The following EDC4 variants were observed in gnomAD, a reference collection of about 807,000 sequenced individuals.
The protein encoded by EDC4 is enhancer of mRNA-decapping protein 4.
EDC4 carries 64 observed loss-of-function variants against 155.8 expected under a neutral mutation model. The ratio of observed to expected loss-of-function variants is 0.41; its 90% confidence interval spans 0.34 to 0.51. The LOEUF is 0.51. Ranked by LOEUF, EDC4 falls within the 20% of genes least tolerant of loss-of-function variation. EDC4 has a pLI of 0.19. For missense variants in EDC4, 1,303 were observed against 1,812.5 expected (o/e 0.72, Z 5.10); for synonymous variants, 684 against 716.8 (o/e 0.95, Z 0.73).
rs1389458097 is a variant in EDC4, at chr16:67,883,653, C to T, written c.3935C>T (p.Pro1312Leu). Reference sequence around the variant, plus strand: ...CAGGTTTTTGGGCAGCCACCCTGCCCGCTCTCCCAGCCTGTGCTCCTTTCC... The same window carrying T: ...CAGGTTTTTGGGCAGCCACCCTGCCTGCTCTCCCAGCCTGTGCTCCTTTCC... The part of the protein sequence containing the change: ...PAQVFGQPPC[P>L]LSQPVLLSLI... The change falls in exon 28 of 29, where the codon CCG becomes CTG. Residue 1312 changes from proline to leucine, a missense_variant. Physicochemically the swap from Pro to Leu is moderately conservative, Grantham distance 98. Transcript: ENST00000358933. This position sits in a 1 kb window ranked among gnomAD's most constrained non-coding sequence, Gnocchi z 5.3. 7 of 1,614,210 alleles carry T rather than the reference C, an allele frequency of 4.3e-6. No homozygotes were observed. The highest frequency in any genetic ancestry group is 2.2e-5 in the South Asian group (2 of 91,088).
In EDC4 at chr16:67,876,785, C is replaced by A; in HGVS notation, c.352-88C>A. ...AGGTAACAGTGGGTAGCTGGACTTG[C>A]ATCTGTGTCCTCTCCCATCCCCAGG... On this transcript the variant is annotated intron_variant, in intron 3 of 28. Coordinates refer to ENST00000358933, the MANE Select transcript of EDC4 (RefSeq NM_014329.5). The surrounding 1 kb of genome is among the most constrained non-coding windows in gnomAD (Gnocchi z 5.8). The A allele has an allele frequency of 1.3e-6, 2 of 1,574,452 alleles. No homozygotes were observed. Among genetic ancestry groups the A allele is most frequent in the Non-Finnish European group, 1.7e-6 (2 of 1,159,778 alleles).
chr16:67,883,339 T>C lies in EDC4; in HGVS notation c.3849+162T>C, dbSNP rs1266268298. 3.7e-6 allele frequency: 5 copies of C among 1,335,150 alleles called. No individual in the cohort carries two copies. 82.7% of individuals were successfully genotyped at this position (1,335,150 alleles called of 1,614,324 possible). On this transcript the variant is annotated intron_variant, in intron 27 of 28. Coordinates refer to ENST00000358933, the MANE Select transcript of EDC4 (RefSeq NM_014329.5). This position sits in a 1 kb window ranked among gnomAD's most constrained non-coding sequence, Gnocchi z 5.3. Reference sequence around the variant, plus strand: ...CATTGTCCCTGCTGCTTCCTCTTCCTGGACCCCTTTCTTCCCACCTAGCCC... The same window carrying C: ...CATTGTCCCTGCTGCTTCCTCTTCCCGGACCCCTTTCTTCCCACCTAGCCC...
Position 67,873,244 on chromosome 16 carries a change from G to A in EDC4, c.-18G>A. On this transcript the variant is annotated 5_prime_UTR_variant, in exon 1 of 29. Coordinates refer to ENST00000358933, the MANE Select transcript of EDC4 (RefSeq NM_014329.5). ...GCGGAACGAACGCGGTGCGGGCGGG[G>A]CGCCCGCCGCAGGGCCCATGGCCTC... 2 of 1,387,104 alleles carry A rather than the reference G, an allele frequency of 1.4e-6. No homozygotes were observed. The highest frequency in any genetic ancestry group is 1.9e-6 in the Non-Finnish European group (2 of 1,076,810). 85.9% of individuals were successfully genotyped at this position (1,387,104 alleles called of 1,614,324 possible).
chr16:67,879,464 G>T lies in EDC4; in HGVS notation c.1594G>T (p.Val532Leu), dbSNP rs769701208. 1.2e-6 allele frequency: 2 copies of T among 1,614,174 alleles called. No homozygotes were observed. The highest frequency in any genetic ancestry group is 8.5e-7 in the Non-Finnish European group (1 of 1,180,026). ...CCAGCCACAGCTGAACCCTGATGTG[G>T]TGGCCCCACTGCCCACCCACACTGC... is the stretch of plus-strand genomic sequence containing the variant. ...RFQPQLNPDV[V>L]APLPTHTAHE... The change falls in exon 14 of 29, where the codon GTG becomes TTG. Residue 532 changes from valine to leucine, a missense_variant. Physicochemically the swap from Val to Leu is conservative, Grantham distance 32. This residue lies in a region of EDC4 where 391 missense variants were observed against 445.4 expected (regional missense o/e 0.88). Transcript: ENST00000358933. The surrounding 1 kb of genome is among the most constrained non-coding windows in gnomAD (Gnocchi z 6.0).
Position 67,877,192 on chromosome 16 carries a change from T to C in EDC4, c.452-25T>C. 3 of 1,599,132 alleles carry C rather than the reference T, an allele frequency of 1.9e-6. No individual in the cohort carries two copies. The highest frequency in any genetic ancestry group is 2.6e-6 in the Non-Finnish European group (3 of 1,170,944). The stretch of plus-strand genomic sequence containing the variant: ...CTGCCTGAGCCTGGATACGTATTCA[T>C]GGTCCACTGCTCTCCTGATTCCAGC... On this transcript the variant is annotated intron_variant, in intron 4 of 28. Transcript: ENST00000358933. This position sits in a 1 kb window ranked among gnomAD's most constrained non-coding sequence, Gnocchi z 4.9.
chr16:67,882,712 G>T lies in EDC4; in HGVS notation c.3476G>T (p.Arg1159Leu). 1 of 1,614,244 alleles carries T rather than the reference G, an allele frequency of 6.2e-7. No homozygotes were observed. Among genetic ancestry groups the T allele is most frequent in the Non-Finnish European group, 8.5e-7 (1 of 1,180,040 alleles). Residue 1159 changes from arginine to leucine, a missense_variant, in exon 26 of 29, where the codon CGG becomes CTG. By Grantham distance (102) the Arg-to-Leu change is moderately radical (BLOSUM62 -2). This residue lies in a region of EDC4 where 527 missense variants were observed against 757.0 expected (regional missense o/e 0.70). Coordinates refer to ENST00000358933, the MANE Select transcript of EDC4 (RefSeq NM_014329.5). This position sits in a 1 kb window ranked among gnomAD's most constrained non-coding sequence, Gnocchi z 7.2. ...LQQLESHMKS[R>L]KAREQEAREP... ...CAGCTAGAAAGCCACATGAAGAGCC[G>T]GAAGGCACGGGAACAGGAGGCCAGG...
Position 67,883,909 on chromosome 16 carries a change from G to T in EDC4, c.4014-47G>T, listed in dbSNP as rs373428578. On this transcript the variant is annotated intron_variant, in intron 28 of 28. Coordinates refer to ENST00000358933, the MANE Select transcript of EDC4 (RefSeq NM_014329.5). This position sits in a 1 kb window ranked among gnomAD's most constrained non-coding sequence, Gnocchi z 5.3. ...CTCGGTGCCACCAGGGGGCGCTCCC[G>T]TCTGCTGGCACCCACCTGTAGCCTG... The T allele has an allele frequency of 6.3e-5, 98 of 1,549,310 alleles. No individual in the cohort carries two copies. The highest frequency in any genetic ancestry group is 8.0e-5 in the Non-Finnish European group (92 of 1,146,436).
At position 67,879,661 on chromosome 16, in the gene EDC4, C is replaced by T. The variant is rs2058056529; in HGVS notation, c.1708C>T (p.Arg570Ter). The change falls in exon 15 of 29, where the codon CGA becomes TGA. Residue 570 changes from arginine to a stop codon, truncating the protein, a stop_gained. Transcript: ENST00000358933. LOFTEE classifies it high-confidence loss of function. The surrounding 1 kb of genome is among the most constrained non-coding windows in gnomAD (Gnocchi z 6.0). ...SAAHGSQPDL[R>*]RIVELPAPAD... ...CGCTCACGGCTCCCAGCCTGACCTC[C>T]GACGAATCGTGGAGCTGCCTGCACC... The T allele has an allele frequency of 2.5e-6, 4 of 1,614,168 alleles. No homozygotes were observed. Among genetic ancestry groups the T allele is most frequent in the African/African-American group, 1.3e-5 (1 of 75,026 alleles).
At position 67,878,827 on chromosome 16, in the gene EDC4, T is replaced by C. The variant is rs529781576; in HGVS notation, c.1275T>C (p.Asp425=). The change falls in exon 11 of 29, where the codon GAT becomes GAC. Residue 425 remains aspartate, a synonymous_variant. Coordinates refer to ENST00000358933, the MANE Select transcript of EDC4 (RefSeq NM_014329.5). The surrounding 1 kb of genome is among the most constrained non-coding windows in gnomAD (Gnocchi z 5.2). The part of the protein sequence containing the change: ...DLSAEYLILS[D]VQRKVLYVME... ...CAGCAGAATACCTGATTCTCAGCGATGTGCAACGGAAGGTAGGCTGCCATG... is the reference window on the plus strand; with the variant it reads ...CAGCAGAATACCTGATTCTCAGCGACGTGCAACGGAAGGTAGGCTGCCATG... The C allele has an allele frequency of 3.7e-6, 6 of 1,613,850 alleles. No individual in the cohort carries two copies. The African/African-American group carries it at 5.3e-5, about 14-fold the overall frequency.
intron 1 of EDC4, 163 bp from the exon 2 acceptor site, chr16:67,875,782 T>C: frequency 6.9e-7 from 1 of 1,445,296 alleles, no homozygotes; most frequent in Non-Finnish European, 9.1e-7. Flanking sequence ...TACATCAGTG[T>C]TTATGGAACG....
At position 67,883,118 on chromosome 16, in the gene EDC4, C is replaced by T; in HGVS notation, c.3790C>T (p.Gln1264Ter). The change falls in exon 27 of 29, where the codon CAG becomes TAG. Residue 1264 changes from glutamine (Q) to a stop codon, truncating the protein, a stop_gained. Coordinates refer to ENST00000358933, the MANE Select transcript of EDC4 (RefSeq NM_014329.5). LOFTEE classifies it high-confidence loss of function. This position sits in a 1 kb window ranked among gnomAD's most constrained non-coding sequence, Gnocchi z 5.3. ...CTCTGCCCACCTTGACTGCCAGGCC[C>T]AGCAAGCCCATATCCTGCAGCTGCT... is the stretch of plus-strand genomic sequence containing the variant. The part of the protein sequence containing the change: ...VPSAHLDCQA[Q>*]QAHILQLLQQ... 6.2e-7 allele frequency: 1 copy of T among 1,609,306 alleles called. No individual in the cohort carries two copies. The highest frequency in any genetic ancestry group is 8.5e-7 in the Non-Finnish European group (1 of 1,178,574).
chr16:67,874,088 G>A (rs1439725172), intron 1 of EDC4, among the ~76,000 whole-genome samples: 1 of 152,172 alleles, frequency 6.6e-6, no homozygotes, highest in East Asian at 1.9e-4. Context: ...AAGGGTGGAG[G>A]CTGGTGAGTG....
Position 67,877,825 on chromosome 16 carries a change from G to T in EDC4, c.874G>T (p.Val292Leu). The change falls in exon 7 of 29, where the codon GTG (valine) becomes TTG (leucine). Residue 292 changes from valine (V) to leucine (L), a missense_variant. By Grantham distance (32) the Val-to-Leu change is conservative. Transcript: ENST00000358933. The surrounding 1 kb of genome is among the most constrained non-coding windows in gnomAD (Gnocchi z 4.9). The part of the protein sequence containing the change: ...DVSQIKQGFI[V>L]VKGHSTCLSE... The stretch of plus-strand genomic sequence containing the variant: ...TAGCCAGATCAAGCAGGGCTTCATT[G>T]TGGTAAAAGGTCATAGCACGGTAAG... 6.2e-7 allele frequency: 1 copy of T among 1,614,110 alleles called. No homozygotes were observed. The highest frequency in any genetic ancestry group is 8.5e-7 in the Non-Finnish European group (1 of 1,180,032).
Position 67,876,118 on chromosome 16 carries a change from C to T in EDC4, c.239+17C>T, listed in dbSNP as rs201311500. ...GCAGGTCATGTGAGTACCTAGGAGA[C>T]GACAATAGTGGTGATGGTGTATTTG... On this transcript the variant is annotated intron_variant, in intron 2 of 28. Coordinates refer to ENST00000358933, the MANE Select transcript of EDC4 (RefSeq NM_014329.5). This position sits in a 1 kb window ranked among gnomAD's most constrained non-coding sequence, Gnocchi z 5.8. The T allele has an allele frequency of 3.9e-4, 631 of 1,611,992 alleles. No homozygotes were observed. Among genetic ancestry groups the T allele is most frequent in the Non-Finnish European group, 4.4e-4 (520 of 1,178,496 alleles).
chr16:67,882,104 C>T lies in EDC4; in HGVS notation c.3155C>T (p.Pro1052Leu), dbSNP rs537517125. 33 of 1,613,702 alleles carry T rather than the reference C, an allele frequency of 2.0e-5. No homozygotes were observed. Among genetic ancestry groups the T allele is most frequent in the Non-Finnish European group, 2.7e-5 (32 of 1,180,002 alleles). Residue 1052 changes from proline to leucine, a missense_variant, in exon 23 of 29, where the codon CCT (proline) becomes CTT (leucine). Coordinates refer to ENST00000358933, the MANE Select transcript of EDC4 (RefSeq NM_014329.5). This position sits in a 1 kb window ranked among gnomAD's most constrained non-coding sequence, Gnocchi z 7.2. The stretch of plus-strand genomic sequence containing the variant: ...CGGGATGAGATCAAGAAGACAGTCC[C>T]TCCATGTGAGTTTTGCATGCAGACT... ...SIRDEIKKTVPPCVSRSLEPM... is the reference protein window; with the variant it reads ...SIRDEIKKTVLPCVSRSLEPM...
Position 67,879,354 on chromosome 16 carries a change from TCC to T in EDC4, c.1541+46_1541+47del. ...CGCCAGTGTCCTGTCTGTGTCTGTC[TCC>T]ACTCTACTGACCCTTGCCCTTGGAG... is the stretch of plus-strand genomic sequence containing the variant. On this transcript the variant is annotated intron_variant, in intron 13 of 28. Transcript: ENST00000358933. This position sits in a 1 kb window ranked among gnomAD's most constrained non-coding sequence, Gnocchi z 6.0. 1 of 1,614,208 alleles carries T rather than the reference TCC, an allele frequency of 6.2e-7. No homozygotes were observed. The highest frequency in any genetic ancestry group is 1.1e-5 in the South Asian group (1 of 91,086).
Position 67,876,341 on chromosome 16 carries a change from G to A in EDC4, c.240-147G>A, listed in dbSNP as rs993595897. On this transcript the variant is annotated intron_variant, in intron 2 of 28. Transcript: ENST00000358933. The surrounding 1 kb of genome is among the most constrained non-coding windows in gnomAD (Gnocchi z 5.8). The stretch of plus-strand genomic sequence containing the variant: ...CCAAGGAAGGAGATGAGCAAGCAGA[G>A]CTGTGGGTCTGGGGCCAGTGGACCA... The A allele has an allele frequency of 7.5e-7, 1 of 1,339,552 alleles. No individual in the cohort carries two copies. Among genetic ancestry groups the A allele is most frequent in the African/African-American group, 1.5e-5 (1 of 68,038 alleles). The allele number at this position is 1,339,552 out of a possible 1,614,324, so 83.0% of individuals were successfully genotyped here.
At position 67,881,898 on chromosome 16, in the gene EDC4, T is replaced by C. The variant is rs1051186892; in HGVS notation, c.3004+53T>C. On this transcript the variant is annotated intron_variant, in intron 22 of 28. Transcript: ENST00000358933. This position sits in a 1 kb window ranked among gnomAD's most constrained non-coding sequence, Gnocchi z 5.4. Reference sequence around the variant, plus strand: ...GGCATAGGGACGGGGGCAGCATTCTTGGCCTGGGAAGGAGTACACGACCTG... The same window carrying C: ...GGCATAGGGACGGGGGCAGCATTCTCGGCCTGGGAAGGAGTACACGACCTG... 1 of 1,603,724 alleles carries C rather than the reference T, an allele frequency of 6.2e-7. No individual in the cohort carries two copies. The highest frequency in any genetic ancestry group is 1.7e-5 in the Admixed American group (1 of 59,670).
At position 67,877,644 on chromosome 16, in the gene EDC4, G is replaced by T. The variant is rs775577921; in HGVS notation, c.777G>T (p.Leu259=). 5 of 1,614,058 alleles carry T rather than the reference G, an allele frequency of 3.1e-6. No individual in the cohort carries two copies. In the East Asian group the frequency reaches 1.1e-4, roughly 36 times the overall value. The change falls in exon 6 of 29, where the codon CTG becomes CTT. Residue 259 remains leucine, a synonymous_variant. Transcript: ENST00000358933. The surrounding 1 kb of genome is among the most constrained non-coding windows in gnomAD (Gnocchi z 4.9). The part of the protein sequence containing the change: ...CEESSPTVAL[L]HEDRAEVWDL... ...AGAGCAGCCCAACAGTGGCCCTGCT[G>T]CATGAAGACCGGGTGAGGGGGCTGA...
Sources: allele counts gnomAD v4.1 joint callset (sites outside exome capture counted in the v4.1 genomes callset), GRCh38; gene constraint gnomAD v4.1.1; regional missense constraint gnomAD v4.1.1; non-coding constraint Gnocchi (gnomAD v3.1); transcripts MANE v1.5; gene names NCBI Gene and HGNC (gene_info 2026-07-23, HGNC 2026-07-21).